The following SASH1 variants were observed in gnomAD, a reference collection of about 807,000 sequenced individuals.
SASH1 encodes SAM and SH3 domain-containing protein 1.
SASH1 carries 44 observed loss-of-function variants against 125.2 expected under a neutral mutation model. The observed-to-expected ratio is 0.35, with a 90% CI of 0.28 to 0.45. The LOEUF is 0.45. Ranked by LOEUF, SASH1 falls within the 20% of genes least tolerant of loss-of-function variation. SASH1 has a pLI of 1.00. For synonymous variants in SASH1, 639 were observed against 649.1 expected, an observed-to-expected ratio of 0.98 and a Z score of 0.24; for missense variants, 1,426 against 1,614.5, an observed-to-expected ratio of 0.88 and a Z score of 2.00.
chr6:148,394,624 T>G (rs1783868458), intron 2 of SASH1, among the ~76,000 whole-genome samples: 1 of 152,176 alleles, frequency 6.6e-6, no homozygotes. Context: ...TTTCTTTCTC[T>G]CTTTCTCTAT....
chr6:148,379,991 A>G (rs1419246515), intron 1 of SASH1: 2 of 455,882 alleles, frequency 4.4e-6, no homozygotes, highest in South Asian at 1.6e-5. Context: ...GGTGCCACAC[A>G]AAGAGTATTT....
At chr6:148,264,824 G>C in the SASH1 span, among the ~76,000 whole-genome samples, 1 of 152,166 alleles carries the variant, frequency 6.6e-6, no homozygotes, top group Non-Finnish European at 1.5e-5. Flanking sequence ...TCGACCCCCT[G>C]TTGGCTTCTT....
In SASH1 at chr6:148,543,852, C is replaced by T. The variant is rs1465727379; in HGVS notation, c.2382C>T (p.Asp794=). ...EGRLGGGLAP[D]TSKSCDPPGV... is the part of the protein sequence containing the mutation. Reference sequence around the variant, plus strand: ...GGCTGGGTGGTGGCCTTGCCCCAGACACGTCCAAGAGCTGTGACCCACCTG... The same window carrying T: ...GGCTGGGTGGTGGCCTTGCCCCAGATACGTCCAAGAGCTGTGACCCACCTG... The change falls in exon 18 of 20, where the codon GAC becomes GAT. Residue 794 remains aspartate (D), a synonymous_variant. Transcript: ENST00000367467. 2 of 1,614,176 alleles carry T rather than the reference C, an allele frequency of 1.2e-6. No individual in the cohort carries two copies. Among genetic ancestry groups the T allele is most frequent in the Non-Finnish European group, 1.7e-6 (2 of 1,180,026 alleles).
chr6:148,481,144 G>A (rs1047005369), intron 7 of SASH1, among the ~76,000 whole-genome samples: 1 of 151,856 alleles, frequency 6.6e-6, no homozygotes, highest in Non-Finnish European at 1.5e-5. Context: ...TTGCAGTAAA[G>A]TGAGTCACAT....
intron 2 of SASH1, among the ~76,000 whole-genome samples, chr6:148,422,516 A>G (rs1398621569): frequency 6.6e-6 from 1 of 152,224 alleles, no homozygotes; most frequent in African/African-American, 2.4e-5. Flanking sequence ...ACCACAGTAA[A>G]CTATGCAACC....
rs1008966537 is a variant in SASH1 at position 148,519,106 on chromosome 6, A to G, written c.863-441A>G. On this transcript the variant is annotated intron_variant, in intron 9 of 19. Transcript: ENST00000367467. The surrounding 1 kb of genome is among the most constrained non-coding windows in gnomAD (Gnocchi z 4.8). ...ACCAATAAAACAATCACTGTCAGCC[A>G]CATGACATTTATCACACTCCAACTA... is the stretch of plus-strand genomic sequence containing the variant. Among the ~76,000 whole-genome samples, 2 of 152,246 alleles carry G rather than the reference A, an allele frequency of 1.3e-5. No individual in the cohort carries two copies. Among genetic ancestry groups the G allele is most frequent in the East Asian group, 1.9e-4 (1 of 5,202 alleles).
rs56950339 is a variant in SASH1, at chr6:148,324,118, C to CAAAAAAAAAAAAAAAAAA, written n.74+51742_74+51759dup. On this transcript the variant is annotated intron_variant and non_coding_transcript_variant, in intron 1 of 3. Transcript: ENST00000367469. ...GTGGTGACAGAGCAAGAATCTGTCT[C>CAAAAAAAAAAAAAAAAAA]AAAAAAAAAAAAAAAAAACAAGCAT... is the stretch of plus-strand genomic sequence containing the variant. 5.0e-4 allele frequency among the ~76,000 whole-genome samples: 30 copies of CAAAAAAAAAAAAAAAAAA among 59,442 alleles called. 5 individuals are homozygous for CAAAAAAAAAAAAAAAAAA. Among genetic ancestry groups the CAAAAAAAAAAAAAAAAAA allele is most frequent in the African/African-American group, 1.8e-3 (26 of 14,056 alleles). The allele number at this position is 59,442 out of a possible 152,430, so 39.0% of individuals were successfully genotyped here. A position where few individuals can be genotyped will look rare whatever the true frequency, so the allele number is the denominator to read the frequency against.
intron 19 of SASH1, 78 bp downstream of exon 19, chr6:148,546,224 C>A: frequency 6.6e-7 from 1 of 1,515,562 alleles, no homozygotes; most frequent in South Asian, 1.3e-5. Flanking sequence ...TAACAACTGC[C>A]AAGTAGGCAA....
chr6:148,368,873 A>T (rs1418913781), intron 1 of SASH1, among the ~76,000 whole-genome samples: 1 of 151,972 alleles, frequency 6.6e-6, no homozygotes, highest in African/African-American at 2.4e-5. Context: ...AAGTCAATAG[A>T]AGGCATTTAG....
intron 1 of SASH1, among the ~76,000 whole-genome samples, chr6:148,285,058 G>A (rs995060231): frequency 3.3e-5 from 5 of 152,052 alleles, no homozygotes; most frequent in Admixed American, 1.3e-4. Flanking sequence ...ATGCCACTCC[G>A]GACCTCTCCC....
intron 2 of SASH1, among the ~76,000 whole-genome samples, chr6:148,391,172 T>C (rs1371341251): frequency 1.3e-5 from 2 of 151,574 alleles, no homozygotes; most frequent in Non-Finnish European, 2.9e-5. Flanking sequence ...TGCAGTGGCG[T>C]GATCTGGGCT....
intron 1 of SASH1, among the ~76,000 whole-genome samples, chr6:148,314,964 G>A (rs539983508): frequency 2.4e-4 from 36 of 152,092 alleles, no homozygotes; most frequent in African/African-American, 6.7e-4. Flanking sequence ...CACCATGTTG[G>A]TCAGGCTGGT....
chr6:148,289,105 C>T (rs1053164373), intron 1 of SASH1, among the ~76,000 whole-genome samples: 3 of 152,080 alleles, frequency 2.0e-5, no homozygotes, highest in African/African-American at 7.2e-5. Context: ...CTCAGCCTCC[C>T]GAGTAGCTGG....
intron 1 of SASH1, among the ~76,000 whole-genome samples, chr6:148,291,739 A>G (rs957311357): frequency 1.1e-4 from 17 of 152,290 alleles, no homozygotes; most frequent in Non-Finnish European, 1.9e-4. Flanking sequence ...TTTTTTTAAA[A>G]AAAGAAATGC....
At chr6:148,422,573 A>G (rs1241500046) in intron 2 of SASH1, among the ~76,000 whole-genome samples, 1 of 152,252 alleles carries the variant, frequency 6.6e-6, no homozygotes, top group East Asian at 1.9e-4. Context: ...AGTAACCATT[A>G]CAGACACAGA....
chr6:148,294,278 G>A (rs184014839), intron 1 of SASH1, among the ~76,000 whole-genome samples: 266 of 152,330 alleles, frequency 1.7e-3, no homozygotes, highest in African/African-American at 5.9e-3. Context: ...AGAAACTGTC[G>A]CAGGATCAGC....
intron 7 of SASH1, among the ~76,000 whole-genome samples, chr6:148,487,032 T>TA (rs761136820): frequency 3.3e-5 from 4 of 121,056 alleles, no homozygotes; most frequent in Non-Finnish European, 6.9e-5. Flanking sequence ...TATATATTTG[T>TA]TATATATATT....
chr6:148,444,819 G>T (rs1482579109), intron 4 of SASH1, among the ~76,000 whole-genome samples: 1 of 152,192 alleles, frequency 6.6e-6, no homozygotes, highest in Non-Finnish European at 1.5e-5. Context: ...GAGAAGTAAA[G>T]AAACCAAAGA....
chr6:148,233,632 C>T, the SASH1 span, among the ~76,000 whole-genome samples: 34 of 149,964 alleles, frequency 2.3e-4, no homozygotes, highest in African/African-American at 7.4e-4. Context: ...TAGGGGCTCA[C>T]GCCTGTAATC....
Sources: allele counts gnomAD v4.1 joint callset (sites outside exome capture counted in the v4.1 genomes callset), GRCh38; gene constraint gnomAD v4.1.1; non-coding constraint Gnocchi (gnomAD v3.1); transcripts MANE v1.5; gene names NCBI Gene and HGNC (gene_info 2026-07-23, HGNC 2026-07-21).